Variants in CDADC1 observed in about 807,000 individuals in gnomAD.
CDADC1 encodes dCTP deaminase.
In CDADC1, 39 loss-of-function variants were observed where a neutral mutation model predicts 54.9. The ratio of observed to expected loss-of-function variants is 0.71; its 90% confidence interval spans 0.55 to 0.93. The LOEUF is 0.93. CDADC1 is among the 40% of genes least tolerant of loss of function. The probability of loss-of-function intolerance (pLI) is 0.00; values close to 1 mark genes in which losing one functional copy is unlikely to be tolerated. For synonymous variants in CDADC1, 186 were observed against 204.0 expected (o/e 0.91, Z 0.75); for missense variants, 518 against 618.8 (o/e 0.84, Z 1.73).
intron 4 of CDADC1, among the ~76,000 whole-genome samples, chr13:49,262,688 G>A (rs1952715691): frequency 6.6e-6 from 1 of 151,956 alleles, no homozygotes; most frequent in African/African-American, 2.4e-5. Flanking sequence ...GCACCAGCAT[G>A]CCCGGCTAAT....
intron 8 of CDADC1, 99 bp from the exon 9 acceptor site, chr13:49,286,123 C>A: frequency 1.0e-6 from 1 of 1,004,790 alleles, no homozygotes; most frequent in East Asian, 2.5e-5. Flanking sequence ...CATTTTTCTT[C>A]CATTTTTAAG....
At chr13:49,290,759 G>A (rs2138278704) in intron 9 of CDADC1, among the ~76,000 whole-genome samples, 1 of 152,216 alleles carries the variant, frequency 6.6e-6, no homozygotes, top group South Asian at 2.1e-4. Flanking sequence ...TGAGGTGGGA[G>A]GATTGCTTGA....
chr13:49,273,035 T>C (rs1953010450), intron 5 of CDADC1, among the ~76,000 whole-genome samples: 1 of 152,234 alleles, frequency 6.6e-6, no homozygotes, highest in Non-Finnish European at 1.5e-5. Flanking sequence ...TGAATAAACA[T>C]GTTTAACATA....
Position 49,292,770 on chromosome 13 carries a change from T to C in CDADC1, c.*1013T>C, listed in dbSNP as rs1376297330. 5 of 1,278,516 alleles carry C rather than the reference T, an allele frequency of 3.9e-6. No homozygotes were observed. The highest frequency in any genetic ancestry group is 5.1e-6 in the Non-Finnish European group (5 of 984,658). 79.2% of individuals were successfully genotyped at this position (1,278,516 alleles called of 1,614,324 possible). On this transcript the variant is annotated 3_prime_UTR_variant, in exon 10 of 10. Coordinates refer to ENST00000251108, the MANE Select transcript of CDADC1 (RefSeq NM_030911.4). Reference sequence around the variant, plus strand: ...AAAAATGAAGGTACATTTTCTGTTCTCTCCTAGGTTAGAGAGGGGTGGCCT... The same window carrying C: ...AAAAATGAAGGTACATTTTCTGTTCCCTCCTAGGTTAGAGAGGGGTGGCCT...
At chr13:49,287,174 G>A (rs1953538065) in intron 9 of CDADC1, among the ~76,000 whole-genome samples, 1 of 152,188 alleles carries the variant, frequency 6.6e-6, no homozygotes. Flanking sequence ...CTGGGCGACA[G>A]GGCAAAACTC....
chr13:49,273,670 G>A (rs1593828567), intron 5 of CDADC1, among the ~76,000 whole-genome samples: 1 of 152,096 alleles, frequency 6.6e-6, no homozygotes. Context: ...TTCCCTCAAG[G>A]TAAACTGAAG....
At position 49,292,629 on chromosome 13, in the gene CDADC1, C is replaced by G; in HGVS notation, c.*872C>G. On this transcript the variant is annotated 3_prime_UTR_variant, in exon 10 of 10. Coordinates refer to ENST00000251108, the MANE Select transcript of CDADC1 (RefSeq NM_030911.4). ...GGAAGAGCCTTTTAAAAACATTTGC[C>G]AACCTCAAGAATAAATACTGAAAGT... The G allele has an allele frequency of 8.6e-7, 1 of 1,165,256 alleles. No homozygotes were observed. The highest frequency in any genetic ancestry group is 6.4e-5 in the East Asian group (1 of 15,690). The allele number at this position is 1,165,256 out of a possible 1,614,324, so 72.2% of individuals were successfully genotyped here.
At chr13:49,263,762 C>T (rs1397834809) in intron 4 of CDADC1, among the ~76,000 whole-genome samples, 1 of 151,618 alleles carries the variant, frequency 6.6e-6, no homozygotes, top group Non-Finnish European at 1.5e-5. Context: ...TTTTTTTTTA[C>T]AAAGCAAGTT....
intron 2 of CDADC1, among the ~76,000 whole-genome samples, chr13:49,254,520 A>C (rs980479118): frequency 6.6e-6 from 1 of 151,036 alleles, no homozygotes; most frequent in Non-Finnish European, 1.5e-5. Flanking sequence ...CTCCTGCCTC[A>C]GCCTCCCGAG....
chr13:49,251,037 G>GT (rs369234495), intron 2 of CDADC1, among the ~76,000 whole-genome samples: 4 of 151,718 alleles, frequency 2.6e-5, no homozygotes, highest in Non-Finnish European at 5.9e-5. Context: ...GTAGTGTTGT[G>GT]TTTTTTTTGT....
rs371343814 is a variant in CDADC1 at position 49,252,492 on chromosome 13, A to AT, written c.178-3344dup. On this transcript the variant is annotated intron_variant, in intron 2 of 9. Transcript: ENST00000251108. ...ATTGTAGGTTGTCAATTACTTGTAT[A>AT]TTTAATGTCAATAAAGCAGAAGTAT... is the stretch of plus-strand genomic sequence containing the variant. Among the ~76,000 whole-genome samples the AT allele has an allele frequency of 1.1e-3, 164 of 152,350 alleles. 2 individuals are homozygous for AT. The highest frequency in any genetic ancestry group is 3.8e-3 in the African/African-American group (158 of 41,578).
chr13:49,268,151 C>T, intron 5 of CDADC1, 92 bp downstream of exon 5: 4 of 1,018,570 alleles, frequency 3.9e-6, no homozygotes, highest in Non-Finnish European at 1.4e-6. Flanking sequence ...TTCATTTACT[C>T]ATAGTTACTT....
chr13:49,291,337 A>AC (rs1953700089), intron 9 of CDADC1, among the ~76,000 whole-genome samples: 1 of 110,464 alleles, frequency 9.1e-6, no homozygotes, highest in Non-Finnish European at 2.1e-5. Context: ...CTGTTTAAAA[A>AC]AAAAAAATTT....
At chr13:49,250,826 A>G (rs1163909409) in intron 2 of CDADC1, among the ~76,000 whole-genome samples, 1 of 152,202 alleles carries the variant, frequency 6.6e-6, no homozygotes, top group Non-Finnish European at 1.5e-5. Flanking sequence ...TTTTATAGAT[A>G]GTAAAACATT....
In CDADC1 at chr13:49,291,889, T is replaced by C; in HGVS notation, c.*132T>C. On this transcript the variant is annotated 3_prime_UTR_variant, in exon 10 of 10. Transcript: ENST00000251108. ...AAGATTTTTTAAGGAAGCTAATTTA[T>C]TTCTAGGATACAAATGGTGTTAATA... The C allele has an allele frequency of 7.0e-7, 1 of 1,436,982 alleles. No individual in the cohort carries two copies. Among genetic ancestry groups the C allele is most frequent in the Non-Finnish European group, 9.1e-7 (1 of 1,093,810 alleles). 89.0% of individuals were successfully genotyped at this position (1,436,982 alleles called of 1,614,324 possible).
chr13:49,247,928 G>T lies in CDADC1; in HGVS notation c.-110G>T. 1 of 921,654 alleles carries T rather than the reference G, an allele frequency of 1.1e-6. No individual in the cohort carries two copies. Among genetic ancestry groups the T allele is most frequent in the Non-Finnish European group, 1.7e-6 (1 of 582,280 alleles). 57.1% of individuals were successfully genotyped at this position (921,654 alleles called of 1,614,324 possible). A position where few individuals can be genotyped will look rare whatever the true frequency, so the allele number is the denominator to read the frequency against. ...GAGGCGTCATCTGGCTGCGCCTAGT[G>T]GGCCGTTGCCTTACAGTTGCTGAGA... On this transcript the variant is annotated 5_prime_UTR_variant, in exon 1 of 10. Transcript: ENST00000251108.
At position 49,288,477 on chromosome 13, in the gene CDADC1, C is replaced by T. The variant is rs113603575; in HGVS notation, c.1471+2195C>T. Reference sequence around the variant, plus strand: ...CAGTCACTCCCCATTCTTCACTCCCCCTAGCCCTAGGCAACCACTCTTTCA... The same window carrying T: ...CAGTCACTCCCCATTCTTCACTCCCTCTAGCCCTAGGCAACCACTCTTTCA... On this transcript the variant is annotated intron_variant, in intron 9 of 9. Transcript: ENST00000251108. Among the ~76,000 whole-genome samples the T allele has an allele frequency of 7.7e-4, 117 of 152,278 alleles. 1 individual carries two copies. The highest frequency in any genetic ancestry group is 2.5e-3 in the African/African-American group (103 of 41,536).
chr13:49,277,029 G>A (rs1240586539), intron 6 of CDADC1, among the ~76,000 whole-genome samples: 45 of 152,132 alleles, frequency 3.0e-4, no homozygotes, highest in Admixed American at 2.9e-3. Flanking sequence ...AGTAATCTGG[G>A]CTTGAATTCT....
At chr13:49,255,391 T>G (rs1335995873) in intron 2 of CDADC1, among the ~76,000 whole-genome samples, 1 of 152,208 alleles carries the variant, frequency 6.6e-6, no homozygotes, top group Non-Finnish European at 1.5e-5. Context: ...CAGGCTCCAG[T>G]GACTGGGACA....
Sources: allele counts gnomAD v4.1 joint callset (sites outside exome capture counted in the v4.1 genomes callset), GRCh38; gene constraint gnomAD v4.1.1; transcripts MANE v1.5; gene names NCBI Gene and HGNC (gene_info 2026-07-23, HGNC 2026-07-21).